The following APTX variants were observed in gnomAD, a reference collection of about 807,000 sequenced individuals.
APTX encodes the protein forkhead-associated domain histidine triad-like protein.
A neutral mutation model predicts 42.3 loss-of-function variants in APTX; 33 were observed. The observed-to-expected ratio is 0.78, with a 90% CI of 0.59 to 1.04. The LOEUF (loss-of-function observed/expected upper bound fraction) is 1.04. Ranked by LOEUF, APTX falls within the 50% of genes least tolerant of loss-of-function variation. The pLI is 0.00. For synonymous variants in APTX, 130 were observed against 146.7 expected, an observed-to-expected ratio of 0.89 and a Z score of 0.82; for missense variants, 421 against 415.1, an observed-to-expected ratio of 1.01 and a Z score of -0.12.
At chr9:32,979,410 A>G (rs1830201266) in intron 6 of APTX, 1 of 152,254 alleles carries the variant, frequency 6.6e-6, no homozygotes, top group Admixed American at 6.5e-5. Flanking sequence ...CATGGTGTAT[A>G]TGTACCACAT....
At chr9:33,019,201 C>G (rs1838160334) in intron 1 of APTX, among the ~76,000 whole-genome samples, 1 of 152,044 alleles carries the variant, frequency 6.6e-6, no homozygotes, top group Non-Finnish European at 1.5e-5. Context: ...AAATCTAAAA[C>G]TATTCTTAAA....
intron 1 of APTX, among the ~76,000 whole-genome samples, chr9:32,991,029 C>T (rs560923940): frequency 1.9e-3 from 286 of 152,166 alleles, no homozygotes; most frequent in Non-Finnish European, 3.3e-3. Context: ...TGGGTTCAAG[C>T]GATTCTCCTG....
intron 1 of APTX, among the ~76,000 whole-genome samples, chr9:33,017,440 C>T (rs1426660040): frequency 6.6e-6 from 1 of 152,166 alleles, no homozygotes; most frequent in Non-Finnish European, 1.5e-5. Context: ...ACAGAGCTGT[C>T]CTCACATGGC....
At chr9:33,023,792 A>T (rs1046976218) in intron 1 of APTX, among the ~76,000 whole-genome samples, 3 of 152,228 alleles carry the variant, frequency 2.0e-5, no homozygotes, top group Non-Finnish European at 4.4e-5. Flanking sequence ...CAGCATGAGG[A>T]TGCTTCCAAG....
At chr9:33,004,630 CT>C (rs3065216), upstream of APTX, among the ~76,000 whole-genome samples, 1,163 of 125,666 alleles carry the variant, frequency 9.3e-3, 4 homozygotes, top group African/African-American at 0.028. Flanking sequence ...CTTGCCAACC[CT>C]TTTTTTTTTT....
At chr9:33,012,439 T>C (rs1360755095) in intron 1 of APTX, among the ~76,000 whole-genome samples, 2 of 152,198 alleles carry the variant, frequency 1.3e-5, no homozygotes, top group African/African-American at 2.4e-5. Context: ...TGGACTTGGC[T>C]GAGTGACTGG....
intron 1 of APTX, among the ~76,000 whole-genome samples, chr9:33,018,013 A>G (rs958582955): frequency 2.1e-5 from 3 of 140,464 alleles, no homozygotes; most frequent in Non-Finnish European, 4.5e-5. Context: ...GCTTGTTATG[A>G]ATAACAAGAT....
At chr9:32,975,422 C>G (rs1461663789) in intron 6 of APTX, among the ~76,000 whole-genome samples, 1 of 152,134 alleles carries the variant, frequency 6.6e-6, no homozygotes, top group Non-Finnish European at 1.5e-5. Flanking sequence ...GAAAATGCAA[C>G]CAGGTGCGGC....
chr9:33,023,160 CTGTT>C (rs953677717), intron 1 of APTX, among the ~76,000 whole-genome samples: 27 of 151,222 alleles, frequency 1.8e-4, no homozygotes, highest in Non-Finnish European at 2.4e-4. Context: ...TAACACTCAA[CTGTT>C]TGTTTCTGGT....
chr9:33,006,796 C>T (rs1361443739), intron 1 of APTX, among the ~76,000 whole-genome samples: 9 of 151,634 alleles, frequency 5.9e-5, no homozygotes, highest in Non-Finnish European at 1.3e-4. Context: ...GTCAGGAGAT[C>T]GAGACCATCC....
chr9:32,972,973 A>G lies in APTX; in HGVS notation c.*525T>C. 1 of 454,154 alleles carries G rather than the reference A, an allele frequency of 2.2e-6. No homozygotes were observed. The highest frequency in any genetic ancestry group is 1.6e-5 in the South Asian group (1 of 64,482). The allele number at this position is 454,154 out of a possible 1,614,324, so 28.1% of individuals were successfully genotyped here. ...AGGGAACATTTAGGTAATCTGGGAT[A>G]GAAGGGCATGGAAGGACTGGACAAA... On this transcript the variant is annotated 3_prime_UTR_variant, in exon 8 of 8. Transcript: ENST00000379817.
At chr9:33,018,362 T>G (rs145558482) in intron 1 of APTX, among the ~76,000 whole-genome samples, 10,758 of 151,618 alleles carry the variant, frequency 0.071, 509 homozygotes, top group Non-Finnish European at 0.11. Flanking sequence ...GAGGTCAGGA[T>G]TTTGAGACCA....
intron 6 of APTX, among the ~76,000 whole-genome samples, chr9:32,975,151 GCC>G (rs1829079843): frequency 6.6e-6 from 1 of 151,982 alleles, no homozygotes; most frequent in Non-Finnish European, 1.5e-5. Flanking sequence ...AGGTAATATG[GCC>G]CAAATGTATG....
At chr9:33,017,907 T>C (rs1259098350) in intron 1 of APTX, among the ~76,000 whole-genome samples, 1 of 150,596 alleles carries the variant, frequency 6.6e-6, no homozygotes, top group Non-Finnish European at 1.5e-5. Context: ...AATCACTTGG[T>C]TAGTTGCCCT....
chr9:33,018,235 C>T (rs1838062231), intron 1 of APTX, among the ~76,000 whole-genome samples: 2 of 151,004 alleles, frequency 1.3e-5, no homozygotes, highest in South Asian at 4.2e-4. Context: ...CTCAGCCTCC[C>T]GAGTAGCTGG....
chr9:32,983,790 G>C (rs1022680535), intron 6 of APTX, among the ~76,000 whole-genome samples: 4 of 152,116 alleles, frequency 2.6e-5, no homozygotes, highest in African/African-American at 9.7e-5. Context: ...TCTAATATGA[G>C]GTACCTAGAG....
At chr9:33,005,723 C>G (rs1315161775), upstream of APTX, among the ~76,000 whole-genome samples, 1 of 152,214 alleles carries the variant, frequency 6.6e-6, no homozygotes, top group Non-Finnish European at 1.5e-5. Context: ...GTGTGAGACA[C>G]TGTGCCTGGC....
At chr9:32,977,457 C>T (rs1345285491) in intron 6 of APTX, among the ~76,000 whole-genome samples, 2 of 152,056 alleles carry the variant, frequency 1.3e-5, no homozygotes, top group African/African-American at 2.4e-5. Context: ...GTACTCCAGA[C>T]TGGGAGAGAG....
intron 6 of APTX, among the ~76,000 whole-genome samples, chr9:32,981,051 GA>G (rs1830570829): frequency 6.6e-6 from 1 of 152,184 alleles, no homozygotes; most frequent in African/African-American, 2.4e-5. Context: ...ATGGATTGAG[GA>G]AGAAAATATA....
Sources: allele counts gnomAD v4.1 joint callset (sites outside exome capture counted in the v4.1 genomes callset), GRCh38; gene constraint gnomAD v4.1.1; transcripts MANE v1.5; gene names NCBI Gene and HGNC (gene_info 2026-07-23, HGNC 2026-07-21).